Variants in TASP1 observed in about 807,000 individuals in gnomAD.
TASP1 encodes taspase 1.
TASP1 carries 16 observed loss-of-function variants against 56.6 expected under a neutral mutation model. That is an observed-to-expected ratio of 0.28 (90% CI 0.19 to 0.43). The LOEUF is 0.43. Among genes scored for constraint, TASP1 ranks in the 20% least tolerant of loss-of-function variants. TASP1 has a pLI of 1.00. For missense variants in TASP1, 393 were observed against 511.6 expected (o/e 0.77, Z 2.24); for synonymous variants, 179 against 184.2 (o/e 0.97, Z 0.23).
At chr20:13,202,297 C>A in the TASP1 span, among the ~76,000 whole-genome samples, 1 of 152,156 alleles carries the variant, frequency 6.6e-6, no homozygotes, top group Admixed American at 6.5e-5. Context: ...TACAGAAGCA[C>A]ATGGTTATAC....
At chr20:13,483,162 A>G (rs2043199722) in intron 11 of TASP1, 65 bp downstream of exon 11, 2 of 1,205,890 alleles carry the variant, frequency 1.7e-6, no homozygotes, top group Non-Finnish European at 2.3e-6. Context: ...TACCTGACTC[A>G]TAGTGCTTAT....
At chr20:13,391,762 T>TA (rs1256011051) in intron 13 of TASP1, among the ~76,000 whole-genome samples, 1 of 151,696 alleles carries the variant, frequency 6.6e-6, no homozygotes, top group Non-Finnish European at 1.5e-5. Context: ...GGTCAGGAGA[T>TA]AGAGACCATC....
chr20:13,628,604 G>A (rs1212443141), intron 2 of TASP1, among the ~76,000 whole-genome samples: 1 of 152,122 alleles, frequency 6.6e-6, no homozygotes, highest in Non-Finnish European at 1.5e-5. Context: ...ATGGCCAAAC[G>A]TTAATGGCCA....
At chr20:13,208,652 T>C in the TASP1 span, among the ~76,000 whole-genome samples, 2 of 152,208 alleles carry the variant, frequency 1.3e-5, no homozygotes, top group Non-Finnish European at 2.9e-5. Context: ...TAGGCTCGCA[T>C]CTCACAAACT....
chr20:13,305,871 C>A, the TASP1 span, among the ~76,000 whole-genome samples: 1 of 152,062 alleles, frequency 6.6e-6, no homozygotes, highest in South Asian at 2.1e-4. Flanking sequence ...ATTTAAAAAA[C>A]CAAGCTAAAA....
intron 4 of TASP1, among the ~76,000 whole-genome samples, chr20:13,590,633 C>T (rs980406448): frequency 6.6e-6 from 1 of 151,990 alleles, no homozygotes; most frequent in Non-Finnish European, 1.5e-5. Flanking sequence ...TTTGGGAGGC[C>T]AAGGCGGGAG....
At chr20:13,416,479 C>A (rs1412065594) in intron 13 of TASP1, among the ~76,000 whole-genome samples, 1 of 152,084 alleles carries the variant, frequency 6.6e-6, no homozygotes, top group Non-Finnish European at 1.5e-5. Flanking sequence ...GAGCTACAGG[C>A]TGGCTGGATA....
At chr20:13,321,944 C>T in the TASP1 span, among the ~76,000 whole-genome samples, 2 of 152,128 alleles carry the variant, frequency 1.3e-5, no homozygotes, top group African/African-American at 4.8e-5. Context: ...GCCTTCGTTT[C>T]TTCATTGTAA....
rs548648958 is a variant in TASP1, at chr20:13,471,275, A to C, written c.985+11952T>G. Among the ~76,000 whole-genome samples the C allele has an allele frequency of 2.6e-5, 4 of 152,246 alleles. No individual in the cohort carries two copies. The South Asian group carries it at 8.3e-4, about 32-fold the overall frequency. On this transcript the variant is annotated intron_variant, in intron 11 of 13. Transcript: ENST00000337743. ...GAATCCTGCATATGGAAGTACCATA[A>C]ATCATGGAAGACAACCCCAAGGTCT...
intron 12 of TASP1, among the ~76,000 whole-genome samples, chr20:13,431,843 G>C (rs1361309707): frequency 6.6e-6 from 1 of 152,120 alleles, no homozygotes; most frequent in African/African-American, 2.4e-5. Flanking sequence ...GATGAAGAGA[G>C]ACCTGAGCTA....
the TASP1 span, among the ~76,000 whole-genome samples, chr20:13,283,930 G>A: frequency 6.6e-6 from 1 of 152,108 alleles, no homozygotes; most frequent in African/African-American, 2.4e-5. Flanking sequence ...AGAGCAACGT[G>A]GGCCAGAATC....
At chr20:13,619,853 T>C (rs1352418230) in intron 4 of TASP1, among the ~76,000 whole-genome samples, 3 of 152,222 alleles carry the variant, frequency 2.0e-5, no homozygotes. Flanking sequence ...ACAACAGGAA[T>C]GAATCGATTT....
At chr20:13,576,247 GGGA>G (rs2147178486) in intron 6 of TASP1, among the ~76,000 whole-genome samples, 1 of 146,404 alleles carries the variant, frequency 6.8e-6, no homozygotes, top group South Asian at 2.2e-4. Flanking sequence ...GCGGAGGGAA[GGGA>G]AGATAAGAGA....
At chr20:13,311,448 A>G in the TASP1 span, among the ~76,000 whole-genome samples, 1 of 152,208 alleles carries the variant, frequency 6.6e-6, no homozygotes, top group Non-Finnish European at 1.5e-5. Flanking sequence ...ATATCCAAAG[A>G]AAATTAAATC....
the TASP1 span, among the ~76,000 whole-genome samples, chr20:13,158,234 C>T: frequency 3.0e-4 from 45 of 152,220 alleles, no homozygotes; most frequent in Non-Finnish European, 2.8e-4. Context: ...TTCTTTTAGC[C>T]TATTGCCAAT....
chr20:13,360,637 A>C, the TASP1 span, among the ~76,000 whole-genome samples: 1 of 152,154 alleles, frequency 6.6e-6, no homozygotes. Context: ...AGGCCCTCAA[A>C]ATCACAAACT....
chr20:13,551,239 A>G (rs1317264797), intron 8 of TASP1, among the ~76,000 whole-genome samples: 1 of 152,202 alleles, frequency 6.6e-6, no homozygotes, highest in African/African-American at 2.4e-5. Flanking sequence ...AAATCAAAGA[A>G]GGAAAGATAT....
At chr20:13,626,442 C>G (rs776429617) in intron 2 of TASP1, among the ~76,000 whole-genome samples, 2 of 152,124 alleles carry the variant, frequency 1.3e-5, no homozygotes, top group Non-Finnish European at 2.9e-5. Context: ...AACAAACAAA[C>G]AAACACATGT....
the TASP1 span, among the ~76,000 whole-genome samples, chr20:13,238,355 AG>A: frequency 6.6e-6 from 1 of 152,218 alleles, no homozygotes; most frequent in Non-Finnish European, 1.5e-5. Context: ...TTCAAACCAG[AG>A]GGCCACCTCA....
Sources: gnomAD v4.1 joint callset for allele counts (sites outside exome capture counted in the v4.1 genomes callset) on GRCh38, gnomAD v4.1.1 for gene constraint, MANE v1.5 for transcripts, NCBI Gene and HGNC (gene_info 2026-07-23, HGNC 2026-07-21) for gene names.